Variants in DCAF4L1 observed in about 807,000 individuals in gnomAD.
The protein encoded by DCAF4L1 is DDB1 and CUL4 associated factor 4 like 1, also known as DDB1- and CUL4-associated factor 4-like protein 1.
Under a neutral mutation model 28.2 loss-of-function variants are expected in DCAF4L1, and 4 were observed. That is an observed-to-expected ratio of 0.14 (90% CI 0.07 to 0.33). The LOEUF is 0.33. Among genes scored for constraint, DCAF4L1 ranks in the 10% least tolerant of loss-of-function variants. The pLI is 1.00. For synonymous variants in DCAF4L1, 252 were observed against 212.1 expected (o/e 1.19, Z -1.63); for missense variants, 331 against 506.1 (o/e 0.65, Z 3.32).
rs1714127460 is a variant in DCAF4L1, at chr4:41,985,592, A to C, written c.*2609A>C. 1 of 167,108 alleles carries C rather than the reference A, an allele frequency of 6.0e-6. No individual in the cohort carries two copies. Among genetic ancestry groups the C allele is most frequent in the South Asian group, 2.1e-4 (1 of 4,834 alleles). The allele number at this position is 167,108 out of a possible 1,614,324, so 10.4% of individuals were successfully genotyped here. On this transcript the variant is annotated 3_prime_UTR_variant, in exon 1 of 1. Coordinates refer to ENST00000333141, the MANE Select transcript of DCAF4L1 (RefSeq NM_001029955.4). ...TCAGTCCTAGGAATATATTAATCAG[A>C]AATGCATACCTGTGTCCACCATAAT... is the stretch of plus-strand genomic sequence containing the variant.
At position 41,982,437 on chromosome 4, in the gene DCAF4L1, G is replaced by C. The variant is rs1170761250; in HGVS notation, c.645G>C (p.Thr215=). ...AGGTCCTGTTGACCAGCGTGGCGAC[G>C]GGACACCAGCAGTCATTTGATACCA... ...SQQVLLTSVA[T]GHQQSFDTSS... The change falls in exon 1 of 1, where the codon ACG becomes ACC. Residue 215 remains threonine, a synonymous_variant. Transcript: ENST00000333141. The surrounding 1 kb of genome is among the most constrained non-coding windows in gnomAD (Gnocchi z 4.4). The C allele has an allele frequency of 1.2e-6, 2 of 1,614,018 alleles. No homozygotes were observed. Among genetic ancestry groups the C allele is most frequent in the Non-Finnish European group, 1.7e-6 (2 of 1,180,042 alleles).
Position 41,981,924 on chromosome 4 carries a change from T to C in DCAF4L1, c.132T>C (p.Arg44=), listed in dbSNP as rs977168165. 2 of 1,614,204 alleles carry C rather than the reference T, an allele frequency of 1.2e-6. No homozygotes were observed. The part of the protein sequence containing the change: ...LGFLNVTSYS[R]LANELRVSCM... ...TCCTCAACGTCACCAGTTACTCCCGTTTAGCCAACGAGCTGCGTGTGAGCT... is the reference window on the plus strand; with the variant it reads ...TCCTCAACGTCACCAGTTACTCCCGCTTAGCCAACGAGCTGCGTGTGAGCT... The change falls in exon 1 of 1, where the codon CGT becomes CGC. Residue 44 remains arginine, a synonymous_variant. Transcript: ENST00000333141.
In DCAF4L1 at chr4:41,985,366, A is replaced by G. The variant is rs1317919046; in HGVS notation, c.*2383A>G. ...CAAGGAAATGCAAATTAAAACCACAATGCCACACCACTTTCACTATAATGG... is the reference window on the plus strand; with the variant it reads ...CAAGGAAATGCAAATTAAAACCACAGTGCCACACCACTTTCACTATAATGG... On this transcript the variant is annotated 3_prime_UTR_variant, in exon 1 of 1. Coordinates refer to ENST00000333141, the MANE Select transcript of DCAF4L1 (RefSeq NM_001029955.4). The G allele has an allele frequency of 6.0e-6, 1 of 167,182 alleles. No homozygotes were observed. Among genetic ancestry groups the G allele is most frequent in the East Asian group, 1.9e-4 (1 of 5,184 alleles). The allele number at this position is 167,182 out of a possible 1,614,324, so 10.4% of individuals were successfully genotyped here.
In DCAF4L1 at chr4:41,982,859, A is replaced by C; in HGVS notation, c.1067A>C (p.Tyr356Ser). ...AHLLRTIPSP[Y>S]SASEDDIPSV... ...CTGCTCAGAACCATCCCTTCCCCGT[A>C]CTCTGCCTCCGAGGACGACATTCCC... is the stretch of plus-strand genomic sequence containing the variant. Residue 356 changes from tyrosine to serine, a missense_variant, in exon 1 of 1, where the codon TAC (tyrosine) becomes TCC (serine). Coordinates refer to ENST00000333141, the MANE Select transcript of DCAF4L1 (RefSeq NM_001029955.4). This position sits in a 1 kb window ranked among gnomAD's most constrained non-coding sequence, Gnocchi z 4.4. 6.2e-7 allele frequency: 1 copy of C among 1,614,038 alleles called. No individual in the cohort carries two copies. The highest frequency in any genetic ancestry group is 8.5e-7 in the Non-Finnish European group (1 of 1,180,002).
In DCAF4L1 at chr4:41,985,437, G is replaced by C. The variant is rs1211101183; in HGVS notation, c.*2454G>C. ...TGGAGTGACGTTGGGAATTAAAAGA[G>C]AAGCAAATGTTGGTGCAGTTGTGAG... is the stretch of plus-strand genomic sequence containing the variant. On this transcript the variant is annotated 3_prime_UTR_variant, in exon 1 of 1. Transcript: ENST00000333141. 1 of 167,102 alleles carries C rather than the reference G, an allele frequency of 6.0e-6. No individual in the cohort carries two copies. Among genetic ancestry groups the C allele is most frequent in the African/African-American group, 2.4e-5 (1 of 41,454 alleles). The allele number at this position is 167,102 out of a possible 1,614,324, so 10.4% of individuals were successfully genotyped here.
rs1714146690 is a variant in DCAF4L1, at chr4:41,986,007, C to G, written c.*3024C>G. The G allele has an allele frequency of 1.2e-5, 2 of 167,146 alleles. No homozygotes were observed. Among genetic ancestry groups the G allele is most frequent in the Admixed American group, 6.5e-5 (1 of 15,284 alleles). The allele number at this position is 167,146 out of a possible 1,614,324, so 10.4% of individuals were successfully genotyped here. ...GAAGATGCGTAGACAGCGAACAAGA[C>G]TTGGGTTTATTGGGGGAACTTATAT... On this transcript the variant is annotated 3_prime_UTR_variant, in exon 1 of 1. Transcript: ENST00000333141.
Position 41,986,261 on chromosome 4 carries a change from C to G in DCAF4L1, c.*3278C>G, listed in dbSNP as rs1182481452. 6.0e-6 allele frequency: 1 copy of G among 167,040 alleles called. No homozygotes were observed. The highest frequency in any genetic ancestry group is 1.5e-5 in the Non-Finnish European group (1 of 68,152). The allele number at this position is 167,040 out of a possible 1,614,324, so 10.3% of individuals were successfully genotyped here. A position where few individuals can be genotyped will look rare whatever the true frequency, so the allele number is the denominator to read the frequency against. On this transcript the variant is annotated 3_prime_UTR_variant, in exon 1 of 1. Coordinates refer to ENST00000333141, the MANE Select transcript of DCAF4L1 (RefSeq NM_001029955.4). The stretch of plus-strand genomic sequence containing the variant: ...AACTCAGGGTTAGTCGCTCCTGTTT[C>G]CTTAGTTTGGGATTCTGAGCACACA...
Position 41,985,408 on chromosome 4 carries a change from C to G in DCAF4L1, c.*2425C>G, listed in dbSNP as rs1714121777. 1 of 167,026 alleles carries G rather than the reference C, an allele frequency of 6.0e-6. No homozygotes were observed. The highest frequency in any genetic ancestry group is 1.5e-5 in the Non-Finnish European group (1 of 68,086). 10.3% of individuals were successfully genotyped at this position (167,026 alleles called of 1,614,324 possible). On this transcript the variant is annotated 3_prime_UTR_variant, in exon 1 of 1. Coordinates refer to ENST00000333141, the MANE Select transcript of DCAF4L1 (RefSeq NM_001029955.4). Reference sequence around the variant, plus strand: ...CTATAATGGTTAAAATAAAATAGATCAGGTGGAGTGACGTTGGGAATTAAA... The same window carrying G: ...CTATAATGGTTAAAATAAAATAGATGAGGTGGAGTGACGTTGGGAATTAAA...
rs1405160595 is a variant in DCAF4L1 at position 41,984,997 on chromosome 4, G to A, written c.*2014G>A. The A allele has an allele frequency of 6.0e-6, 1 of 166,934 alleles. No homozygotes were observed. The highest frequency in any genetic ancestry group is 2.4e-5 in the African/African-American group (1 of 41,396). The allele number at this position is 166,934 out of a possible 1,614,324, so 10.3% of individuals were successfully genotyped here. A position where few individuals can be genotyped will look rare whatever the true frequency, so the allele number is the denominator to read the frequency against. ...ATGATAAAGTAGATACAGGGTTAAA[G>A]GATATGTATCTTGTCCCTTTTACAT... On this transcript the variant is annotated 3_prime_UTR_variant, in exon 1 of 1. Coordinates refer to ENST00000333141, the MANE Select transcript of DCAF4L1 (RefSeq NM_001029955.4).
chr4:41,986,406 A>G lies in DCAF4L1; in HGVS notation c.*3423A>G, dbSNP rs1266820551. Reference sequence around the variant, plus strand: ...TTCACTAGTGATAATTGTTAGAGCTATGCCCTTAATATATGTCTTGTGTGT... The same window carrying G: ...TTCACTAGTGATAATTGTTAGAGCTGTGCCCTTAATATATGTCTTGTGTGT... On this transcript the variant is annotated 3_prime_UTR_variant, in exon 1 of 1. Coordinates refer to ENST00000333141, the MANE Select transcript of DCAF4L1 (RefSeq NM_001029955.4). 3.6e-5 allele frequency: 6 copies of G among 167,054 alleles called. No homozygotes were observed. Among genetic ancestry groups the G allele is most frequent in the African/African-American group, 1.4e-4 (6 of 41,452 alleles). The allele number at this position is 167,054 out of a possible 1,614,324, so 10.3% of individuals were successfully genotyped here.
chr4:41,982,203 G>A lies in DCAF4L1; in HGVS notation c.411G>A (p.Gln137=), dbSNP rs1242491611. The change falls in exon 1 of 1, where the codon CAG becomes CAA. Residue 137 remains glutamine (Q), a synonymous_variant. Coordinates refer to ENST00000333141, the MANE Select transcript of DCAF4L1 (RefSeq NM_001029955.4). This position sits in a 1 kb window ranked among gnomAD's most constrained non-coding sequence, Gnocchi z 4.4. ...VKSLCWASLN[Q]LDSHVLLCFE... ...CCCTGTGCTGGGCCTCGCTGAACCA[G>A]TTGGACTCTCACGTTCTGCTGTGCT... is the stretch of plus-strand genomic sequence containing the variant. 1 of 1,614,236 alleles carries A rather than the reference G, an allele frequency of 6.2e-7. No individual in the cohort carries two copies. The highest frequency in any genetic ancestry group is 1.1e-5 in the South Asian group (1 of 91,084).
rs1367560194 is a variant in DCAF4L1, at chr4:41,985,106, A to ATG, written c.*2125_*2126dup. 6.0e-6 allele frequency: 1 copy of ATG among 165,426 alleles called. No homozygotes were observed. Among genetic ancestry groups the ATG allele is most frequent in the African/African-American group, 2.5e-5 (1 of 40,708 alleles). The allele number at this position is 165,426 out of a possible 1,614,324, so 10.2% of individuals were successfully genotyped here. A position where few individuals can be genotyped will look rare whatever the true frequency, so the allele number is the denominator to read the frequency against. On this transcript the variant is annotated 3_prime_UTR_variant, in exon 1 of 1. Transcript: ENST00000333141. The stretch of plus-strand genomic sequence containing the variant: ...GTAAGAACTAGCTGCAGACATATAT[A>ATG]TGTATATATATATATGTCTGATACT...
Position 41,982,447 on chromosome 4 carries a change from C to G in DCAF4L1, c.655C>G (p.Gln219Glu). ...GACCAGCGTGGCGACGGGACACCAG[C>G]AGTCATTTGATACCAGCAGTGATGT... Reference protein sequence around the residue: ...LLTSVATGHQQSFDTSSDVLA... With the variant: ...LLTSVATGHQESFDTSSDVLA... The change falls in exon 1 of 1, where the codon CAG (glutamine) becomes GAG (glutamate). Residue 219 changes from glutamine (Q) to glutamate (E), a missense_variant. Coordinates refer to ENST00000333141, the MANE Select transcript of DCAF4L1 (RefSeq NM_001029955.4). This position sits in a 1 kb window ranked among gnomAD's most constrained non-coding sequence, Gnocchi z 4.4. 6.2e-7 allele frequency: 1 copy of G among 1,614,222 alleles called. No homozygotes were observed. Among genetic ancestry groups the G allele is most frequent in the Non-Finnish European group, 8.5e-7 (1 of 1,180,040 alleles).
At position 41,981,835 on chromosome 4, in the gene DCAF4L1, C is replaced by T. The variant is rs761597718; in HGVS notation, c.43C>T (p.Leu15=). 2 of 1,614,052 alleles carry T rather than the reference C, an allele frequency of 1.2e-6. No individual in the cohort carries two copies. Among genetic ancestry groups the T allele is most frequent in the Non-Finnish European group, 1.7e-6 (2 of 1,180,048 alleles). ...RLRLLEEEAK[L]KKVARMGFNA... ...GCGACTCCTCGAGGAAGAGGCCAAG[C>T]TGAAAAAGGTAGCCAGAATGGGATT... Residue 15 remains leucine (L), a synonymous_variant, in exon 1 of 1, where the codon CTG becomes TTG. Transcript: ENST00000333141.
In DCAF4L1 at chr4:41,985,813, G is replaced by A. The variant is rs988242084; in HGVS notation, c.*2830G>A. 1.8e-5 allele frequency: 3 copies of A among 167,174 alleles called. No homozygotes were observed. Among genetic ancestry groups the A allele is most frequent in the Non-Finnish European group, 4.4e-5 (3 of 68,106 alleles). 10.4% of individuals were successfully genotyped at this position (167,174 alleles called of 1,614,324 possible). ...ATATTGTACAACTAATGCACATAAA[G>A]TCCCTAAACAGGCAAAATGAATCTA... is the stretch of plus-strand genomic sequence containing the variant. On this transcript the variant is annotated 3_prime_UTR_variant, in exon 1 of 1. Coordinates refer to ENST00000333141, the MANE Select transcript of DCAF4L1 (RefSeq NM_001029955.4).
In DCAF4L1 at chr4:41,982,344, G is replaced by A. The variant is rs751721707; in HGVS notation, c.552G>A (p.Glu184=). ...PGMLCSFQIP[E]AWSCAWSLNT... Reference sequence around the variant, plus strand: ...TGCTCTGCAGTTTCCAGATCCCAGAGGCCTGGTCCTGTGCGTGGTCCCTCA... The same window carrying A: ...TGCTCTGCAGTTTCCAGATCCCAGAAGCCTGGTCCTGTGCGTGGTCCCTCA... The change falls in exon 1 of 1, where the codon GAG becomes GAA. Residue 184 remains glutamate (E), a synonymous_variant. Transcript: ENST00000333141. The surrounding 1 kb of genome is among the most constrained non-coding windows in gnomAD (Gnocchi z 4.4). 1.2e-6 allele frequency: 2 copies of A among 1,614,094 alleles called. No individual in the cohort carries two copies. Among genetic ancestry groups the A allele is most frequent in the African/African-American group, 1.3e-5 (1 of 74,926 alleles).
In DCAF4L1 at chr4:41,985,291, A is replaced by C. The variant is rs1198248186; in HGVS notation, c.*2308A>C. 1 of 167,068 alleles carries C rather than the reference A, an allele frequency of 6.0e-6. No homozygotes were observed. Among genetic ancestry groups the C allele is most frequent in the African/African-American group, 2.4e-5 (1 of 41,456 alleles). 10.3% of individuals were successfully genotyped at this position (167,068 alleles called of 1,614,324 possible). On this transcript the variant is annotated 3_prime_UTR_variant, in exon 1 of 1. Transcript: ENST00000333141. ...GTCTTGAATAGGAGAAAAAGAGGAG[A>C]TCCAAATGGCTAATATACATTTGAA...
rs915605660 is a variant in DCAF4L1, at chr4:41,985,001, A to G, written c.*2018A>G. The G allele has an allele frequency of 1.2e-5, 2 of 167,100 alleles. No individual in the cohort carries two copies. Among genetic ancestry groups the G allele is most frequent in the Non-Finnish European group, 2.9e-5 (2 of 68,122 alleles). 10.4% of individuals were successfully genotyped at this position (167,100 alleles called of 1,614,324 possible). A position where few individuals can be genotyped will look rare whatever the true frequency, so the allele number is the denominator to read the frequency against. On this transcript the variant is annotated 3_prime_UTR_variant, in exon 1 of 1. Coordinates refer to ENST00000333141, the MANE Select transcript of DCAF4L1 (RefSeq NM_001029955.4). Reference sequence around the variant, plus strand: ...TAAAGTAGATACAGGGTTAAAGGATATGTATCTTGTCCCTTTTACATTGTA... The same window carrying G: ...TAAAGTAGATACAGGGTTAAAGGATGTGTATCTTGTCCCTTTTACATTGTA...
rs371154166 is a variant in DCAF4L1, at chr4:41,982,955, A to G, written c.1163A>G (p.Gln388Arg). The change falls in exon 1 of 1, where the codon CAG becomes CGG. Residue 388 changes from glutamine (Q) to arginine (R), a missense_variant. Gln to Arg is a conservative substitution (Grantham distance 43). Transcript: ENST00000333141. The surrounding 1 kb of genome is among the most constrained non-coding windows in gnomAD (Gnocchi z 4.4). The stretch of plus-strand genomic sequence containing the variant: ...CCAGGGCTGCTCATGGCTGTCCGGC[A>G]GGACCTTTATTGTTTCCCCTTCAGC... ...AAPGLLMAVR[Q>R]DLYCFPFS 2 of 1,612,178 alleles carry G rather than the reference A, an allele frequency of 1.2e-6. No homozygotes were observed. The highest frequency in any genetic ancestry group is 2.7e-5 in the African/African-American group (2 of 74,888).
Sources: gnomAD v4.1 joint callset for allele counts on GRCh38, gnomAD v4.1.1 for gene constraint, Gnocchi (gnomAD v3.1) non-coding constraint, MANE v1.5 for transcripts, NCBI Gene and HGNC (gene_info 2026-07-23, HGNC 2026-07-21) for gene names.